The following CNTNAP2 variants were observed in gnomAD, a reference collection of about 807,000 sequenced individuals.
CNTNAP2 encodes contactin-associated protein-like 2.
CNTNAP2 carries 98 observed loss-of-function variants against 155.2 expected under a neutral mutation model. The observed-to-expected ratio is 0.63, with a 90% CI of 0.54 to 0.75. CNTNAP2 has a LOEUF of 0.75. Ranked by LOEUF, CNTNAP2 falls within the 30% of genes least tolerant of loss-of-function variation. CNTNAP2 has a pLI of 0.00. For synonymous variants in CNTNAP2, 651 were observed against 631.2 expected (o/e 1.03, Z -0.47); for missense variants, 1,727 against 1,688.1 (o/e 1.02, Z -0.40).
chr7:147,810,685 A>G (rs1798165199), intron 13 of CNTNAP2, among the ~76,000 whole-genome samples: 1 of 152,258 alleles, frequency 6.6e-6, no homozygotes, highest in Non-Finnish European at 1.5e-5. Flanking sequence ...AGAGATCACT[A>G]AAATCAAAAG....
At chr7:146,714,484 A>C (rs756575473) in intron 1 of CNTNAP2, among the ~76,000 whole-genome samples, 1 of 152,208 alleles carries the variant, frequency 6.6e-6, no homozygotes, top group Non-Finnish European at 1.5e-5. Flanking sequence ...GCTATTTCAT[A>C]TCTAAACCTC....
At chr7:146,528,762 A>G (rs1306488635) in intron 1 of CNTNAP2, among the ~76,000 whole-genome samples, 1 of 152,182 alleles carries the variant, frequency 6.6e-6, no homozygotes, top group African/African-American at 2.4e-5. Flanking sequence ...ACATTGTTTC[A>G]TAAGAACATT....
chr7:148,158,222 C>CTTTTTTTTTTTTTTTTT lies in CNTNAP2; in HGVS notation c.2773+10516_2773+10532dup, dbSNP rs1224617335. On this transcript the variant is annotated intron_variant, in intron 17 of 23. Transcript: ENST00000361727. ...AGTGATGATAGGTACAATGTTTGCG[C>CTTTTTTTTTTTTTTTTT]TTTTTTTTTTTTTTTTTTTGAGACA... is the stretch of plus-strand genomic sequence containing the variant. 4.0e-4 allele frequency among the ~76,000 whole-genome samples: 38 copies of CTTTTTTTTTTTTTTTTT among 94,758 alleles called. 5 individuals are homozygous for CTTTTTTTTTTTTTTTTT. Among genetic ancestry groups the CTTTTTTTTTTTTTTTTT allele is most frequent in the African/African-American group, 8.0e-4 (16 of 20,120 alleles). 62.2% of individuals were successfully genotyped at this position (94,758 alleles called of 152,430 possible).
chr7:147,048,274 G>A (rs934810029), intron 4 of CNTNAP2, among the ~76,000 whole-genome samples: 2 of 151,970 alleles, frequency 1.3e-5, no homozygotes, highest in Non-Finnish European at 2.9e-5. Flanking sequence ...AGATTTCACA[G>A]ATGGGAAAGA....
At chr7:146,547,024 C>G (rs1212631220) in intron 1 of CNTNAP2, among the ~76,000 whole-genome samples, 1 of 151,852 alleles carries the variant, frequency 6.6e-6, no homozygotes, top group Non-Finnish European at 1.5e-5. Context: ...GCAGGGGAGT[C>G]GTTTAGGTCG....
chr7:147,735,018 T>G (rs1410275797), intron 13 of CNTNAP2, among the ~76,000 whole-genome samples: 2 of 152,006 alleles, frequency 1.3e-5, no homozygotes, highest in Non-Finnish European at 2.9e-5. Context: ...TGTCTTTGTC[T>G]CTTCCAGTTC....
chr7:147,335,447 G>A (rs1036534271), intron 9 of CNTNAP2, among the ~76,000 whole-genome samples: 5 of 152,006 alleles, frequency 3.3e-5, no homozygotes, highest in Admixed American at 6.6e-5. Context: ...TAGGTGCTTC[G>A]TTGAGATTGC....
chr7:148,080,394 A>G (rs1252130102), intron 15 of CNTNAP2, among the ~76,000 whole-genome samples: 1 of 152,036 alleles, frequency 6.6e-6, no homozygotes, highest in Non-Finnish European at 1.5e-5. Context: ...TCACGAGGTC[A>G]GGAGATCGAG....
chr7:147,406,445 G>C lies in CNTNAP2; in HGVS notation c.1670+10665G>C, dbSNP rs532149465. 2.6e-5 allele frequency among the ~76,000 whole-genome samples: 4 copies of C among 152,230 alleles called. No individual in the cohort carries two copies. In the South Asian group the frequency reaches 8.3e-4, roughly 32 times the overall value. On this transcript the variant is annotated intron_variant, in intron 10 of 23. Coordinates refer to ENST00000361727, the MANE Select transcript of CNTNAP2 (RefSeq NM_014141.6). ...AAGAAAAAAACAGTTTTAAAAAGATGAAGTTGTCATTTTCATTTTGTTTGA... is the reference window on the plus strand; with the variant it reads ...AAGAAAAAAACAGTTTTAAAAAGATCAAGTTGTCATTTTCATTTTGTTTGA...
chr7:146,798,914 CA>C (rs562342606), intron 2 of CNTNAP2, among the ~76,000 whole-genome samples: 50 of 151,090 alleles, frequency 3.3e-4, no homozygotes, highest in Admixed American at 1.4e-3. Flanking sequence ...TGTACAGCTG[CA>C]AAAAAAATAT....
intron 22 of CNTNAP2, among the ~76,000 whole-genome samples, chr7:148,395,369 A>G (rs913887997): frequency 5.9e-5 from 9 of 151,792 alleles, no homozygotes; most frequent in African/African-American, 2.2e-4. Flanking sequence ...AACTCCAGCC[A>G]TGCTCTCTTC....
At chr7:146,380,999 C>T (rs978039602) in intron 1 of CNTNAP2, among the ~76,000 whole-genome samples, 20 of 151,032 alleles carry the variant, frequency 1.3e-4, no homozygotes, top group African/African-American at 4.6e-4. Flanking sequence ...AGGGTTTCAC[C>T]GTGTTAGCCA....
intron 12 of CNTNAP2, among the ~76,000 whole-genome samples, chr7:147,587,232 A>T (rs563233127): frequency 3.4e-4 from 52 of 152,318 alleles, no homozygotes; most frequent in African/African-American, 1.2e-3. Context: ...TGAATAAGAC[A>T]TTCATAAAAC....
intron 4 of CNTNAP2, among the ~76,000 whole-genome samples, chr7:147,077,025 A>G (rs1202830056): frequency 6.6e-6 from 1 of 152,138 alleles, no homozygotes; most frequent in Non-Finnish European, 1.5e-5. Context: ...TCCCACAGAT[A>G]CTATGGTATT....
intron 1 of CNTNAP2, among the ~76,000 whole-genome samples, chr7:146,369,748 T>C (rs932895792): frequency 9.9e-5 from 15 of 152,204 alleles, no homozygotes; most frequent in Non-Finnish European, 1.9e-4. Context: ...GTTGGTTATT[T>C]TTTACTGATT....
chr7:147,563,607 GA>G (rs1435345752), intron 12 of CNTNAP2, among the ~76,000 whole-genome samples: 20 of 145,604 alleles, frequency 1.4e-4, no homozygotes, highest in African/African-American at 5.2e-4. Context: ...CCAGCTTGGT[GA>G]CAGAGCAAGA....
chr7:147,475,545 C>CA (rs1290478875), intron 10 of CNTNAP2, among the ~76,000 whole-genome samples: 2 of 151,410 alleles, frequency 1.3e-5, no homozygotes, highest in Non-Finnish European at 2.9e-5. Flanking sequence ...GAGTATTCTT[C>CA]ATAGGATAAA....
chr7:147,203,277 C>T (rs1357748573), intron 8 of CNTNAP2, among the ~76,000 whole-genome samples: 1 of 152,154 alleles, frequency 6.6e-6, no homozygotes, highest in Non-Finnish European at 1.5e-5. Flanking sequence ...TGGAGTCTCA[C>T]TCTGTTGCCC....
At chr7:146,299,637 G>A (rs139787242) in intron 1 of CNTNAP2, among the ~76,000 whole-genome samples, 36 of 152,098 alleles carry the variant, frequency 2.4e-4, no homozygotes, top group African/African-American at 8.4e-4. Flanking sequence ...CTGGCCTCAA[G>A]CAGTCCTCCT....
Sources: allele counts gnomAD v4.1 joint callset (sites outside exome capture counted in the v4.1 genomes callset), GRCh38; gene constraint gnomAD v4.1.1; transcripts MANE v1.5; gene names NCBI Gene and HGNC (gene_info 2026-07-23, HGNC 2026-07-21).